The following SUSD1 variants were observed in gnomAD, a reference collection of about 807,000 sequenced individuals.
The protein encoded by SUSD1 is sushi domain-containing protein 1.
Under a neutral mutation model 86.9 loss-of-function variants are expected in SUSD1, and 65 were observed. The ratio of observed to expected loss-of-function variants is 0.75; its 90% CI spans 0.61 to 0.92. SUSD1 has a LOEUF of 0.92. Among genes scored for constraint, SUSD1 ranks in the 40% least tolerant of loss-of-function variants. The pLI is 0.00. For synonymous variants in SUSD1, 346 were observed against 350.0 expected, an observed-to-expected ratio of 0.99 and a Z score of 0.13; for missense variants, 850 against 929.7, an observed-to-expected ratio of 0.91 and a Z score of 1.11.
In SUSD1 at chr9:112,067,106, C is replaced by T. The variant is rs182774540; in HGVS notation, c.1754-4073G>A. Among the ~76,000 whole-genome samples the T allele has an allele frequency of 2.4e-4, 37 of 152,254 alleles. No homozygotes were observed. The East Asian group carries it at 5.4e-3, about 22-fold the overall frequency. ...TGGCCAGGCTGGTCTCAACACTCCT[C>T]ACCTCAGGTGATCCGCCCACCTCTG... On this transcript the variant is annotated intron_variant, in intron 12 of 16. Coordinates refer to ENST00000374270, the MANE Select transcript of SUSD1 (RefSeq NM_022486.5).
chr9:112,042,086 G>T, intron 15 of SUSD1, 126 bp from the exon 16 acceptor site: 1 of 1,546,030 alleles, frequency 6.5e-7, no homozygotes, highest in Non-Finnish European at 8.7e-7. Context: ...AGAATCCCAA[G>T]AATGCCCAAC....
chr9:112,166,638 G>A (rs1165750917), intron 1 of SUSD1, among the ~76,000 whole-genome samples: 2 of 152,146 alleles, frequency 1.3e-5, no homozygotes, highest in Admixed American at 1.3e-4. Flanking sequence ...TAACCCAAGG[G>A]AGAGGAATTC....
At chr9:112,093,011 G>A (rs1282252225) in intron 10 of SUSD1, among the ~76,000 whole-genome samples, 2 of 152,220 alleles carry the variant, frequency 1.3e-5, no homozygotes, top group Non-Finnish European at 2.9e-5. Flanking sequence ...CAAAACAAAT[G>A]AATTTGAAGG....
intron 1 of SUSD1, among the ~76,000 whole-genome samples, chr9:112,161,650 C>T (rs1833575331): frequency 6.6e-6 from 1 of 151,966 alleles, no homozygotes; most frequent in Admixed American, 6.6e-5. Flanking sequence ...TGGTGAAACA[C>T]CGTCTTTACT....
chr9:112,090,821 A>G (rs1036999456), intron 10 of SUSD1, among the ~76,000 whole-genome samples: 2 of 152,206 alleles, frequency 1.3e-5, no homozygotes, highest in African/African-American at 4.8e-5. Flanking sequence ...TTTAGACTAA[A>G]AAGTATGTGA....
chr9:112,134,257 T>A (rs995625626), intron 5 of SUSD1, among the ~76,000 whole-genome samples: 4 of 152,114 alleles, frequency 2.6e-5, no homozygotes, highest in African/African-American at 9.7e-5. Flanking sequence ...AAAGGACACA[T>A]GCACTTATAT....
At chr9:112,061,706 A>G (rs542118190) in intron 13 of SUSD1, among the ~76,000 whole-genome samples, 1 of 152,334 alleles carries the variant, frequency 6.6e-6, no homozygotes, top group East Asian at 1.9e-4. Flanking sequence ...TTGCACATTT[A>G]CTGAACTTAA....
chr9:112,075,421 T>A (rs1829474324), intron 12 of SUSD1, among the ~76,000 whole-genome samples: 1 of 150,934 alleles, frequency 6.6e-6, no homozygotes, highest in Admixed American at 6.6e-5. Context: ...AAAAAAAAAA[T>A]AAGTTTTTAG....
chr9:112,096,357 C>T (rs932245711), intron 10 of SUSD1, among the ~76,000 whole-genome samples: 2 of 152,148 alleles, frequency 1.3e-5, no homozygotes. Context: ...TTGCCAGTCT[C>T]CTATACACCA....
chr9:112,062,266 T>C (rs760377969), intron 13 of SUSD1, among the ~76,000 whole-genome samples: 1 of 152,206 alleles, frequency 6.6e-6, no homozygotes, highest in Admixed American at 6.5e-5. Flanking sequence ...ATAAAGGATG[T>C]ACTATGAGAC....
chr9:112,170,106 A>G (rs1193206034), intron 1 of SUSD1, among the ~76,000 whole-genome samples: 1 of 152,198 alleles, frequency 6.6e-6, no homozygotes, highest in African/African-American at 2.4e-5. Context: ...CCAGAAGACC[A>G]AGAATACACC....
At chr9:112,044,668 CA>C (rs1411626014) in intron 15 of SUSD1, among the ~76,000 whole-genome samples, 43 of 152,006 alleles carry the variant, frequency 2.8e-4, no homozygotes, top group African/African-American at 9.9e-4. Flanking sequence ...AAATAAAATC[CA>C]GATGGATTAC....
At chr9:112,063,840 A>G (rs867550138) in intron 12 of SUSD1, among the ~76,000 whole-genome samples, 50 of 152,086 alleles carry the variant, frequency 3.3e-4, no homozygotes, top group African/African-American at 1.2e-3. Context: ...AATCTTCTCA[A>G]CAGGGCTACC....
chr9:112,170,692 C>CATATATATATATAT lies in SUSD1; in HGVS notation c.103+4427_103+4440dup, dbSNP rs3983405. On this transcript the variant is annotated intron_variant, in intron 1 of 16. Transcript: ENST00000374270. ...ATATACAAATGGACAATGGCCAGATCATATATATATATATATATAGAGAGA... is the reference window on the plus strand; with the variant it reads ...ATATACAAATGGACAATGGCCAGATCATATATATATATATATATATATATATATATATAGAGAGA... 8.7e-4 allele frequency among the ~76,000 whole-genome samples: 105 copies of CATATATATATATAT among 120,034 alleles called. 1 individual carries two copies. The highest frequency in any genetic ancestry group is 3.8e-3 in the Middle Eastern group (1 of 260). The allele number at this position is 120,034 out of a possible 152,430, so 78.7% of individuals were successfully genotyped here.
chr9:112,102,324 A>G (rs558963466), intron 8 of SUSD1, 39 bp from the exon 9 acceptor site: 1 of 1,167,302 alleles, frequency 8.6e-7, no homozygotes, highest in Non-Finnish European at 1.2e-6. Flanking sequence ...AGCTTGCACC[A>G]TCTTAGCAAA....
At chr9:112,171,903 ATC>A (rs1385682875) in intron 1 of SUSD1, among the ~76,000 whole-genome samples, 2 of 152,120 alleles carry the variant, frequency 1.3e-5, no homozygotes, top group African/African-American at 2.4e-5. Flanking sequence ...TTTAAAGAGT[ATC>A]TACTCCGAGG....
At chr9:112,138,958 T>C (rs1233706735) in intron 5 of SUSD1, among the ~76,000 whole-genome samples, 1 of 152,134 alleles carries the variant, frequency 6.6e-6, no homozygotes, top group Non-Finnish European at 1.5e-5. Context: ...CACAAATAAA[T>C]TGGAAAATCT....
chr9:112,070,250 A>C (rs915405551), intron 12 of SUSD1, among the ~76,000 whole-genome samples: 2 of 151,970 alleles, frequency 1.3e-5, no homozygotes, highest in Non-Finnish European at 2.9e-5. Context: ...AGGTGATTCC[A>C]CCTGCCTCGG....
intron 2 of SUSD1, among the ~76,000 whole-genome samples, chr9:112,151,173 G>C (rs1008520478): frequency 2.0e-5 from 3 of 152,136 alleles, no homozygotes; most frequent in Non-Finnish European, 4.4e-5. Context: ...TCAAACTCCT[G>C]GCCTTAAGGG....
Sources: allele counts gnomAD v4.1 joint callset (sites outside exome capture counted in the v4.1 genomes callset), GRCh38; gene constraint gnomAD v4.1.1; transcripts MANE v1.5; gene names NCBI Gene and HGNC (gene_info 2026-07-23, HGNC 2026-07-21).